Variants in CENPW observed in about 807,000 individuals in gnomAD.
CENPW encodes the protein cancer-up-regulated gene 2 protein.
Under a neutral mutation model 11.1 loss-of-function variants are expected in CENPW, and 3 were observed. The observed-to-expected ratio is 0.27, with a 90% CI of 0.12 to 0.70. CENPW has a LOEUF of 0.70. Ranked by LOEUF, CENPW falls within the 30% of genes least tolerant of loss-of-function variation. The pLI, the probability that CENPW is intolerant of heterozygous loss-of-function variation, is 0.77. For synonymous variants in CENPW, 38 were observed against 42.0 expected (o/e 0.91, Z 0.37); for missense variants, 100 against 105.6 (o/e 0.95, Z 0.23).
At chr6:126,438,584 G>GA in the CENPW span, among the ~76,000 whole-genome samples, 2 of 151,486 alleles carry the variant, frequency 1.3e-5, no homozygotes, top group African/African-American at 4.8e-5. Context: ...AAGACAAGGA[G>GA]AAAATAAAAA....
At chr6:126,362,058 C>T in the CENPW span, among the ~76,000 whole-genome samples, 1 of 152,118 alleles carries the variant, frequency 6.6e-6, no homozygotes, top group South Asian at 2.1e-4. Context: ...TGTGCACACA[C>T]TTCTATGGAG....
the CENPW span, among the ~76,000 whole-genome samples, chr6:126,425,081 G>A: frequency 9.2e-5 from 14 of 152,204 alleles, no homozygotes; most frequent in Non-Finnish European, 1.9e-4. Context: ...TCTTGGGAAA[G>A]CAGTTTTATG....
the CENPW span, among the ~76,000 whole-genome samples, chr6:126,407,342 C>A: frequency 2.6e-5 from 4 of 152,230 alleles, no homozygotes; most frequent in South Asian, 8.3e-4. Flanking sequence ...TTTCGATGGG[C>A]ATTTGGATTG....
At chr6:126,346,455 TTTAA>T (rs1780413454) in intron 2 of CENPW, 137 bp downstream of exon 2, 1 of 487,268 alleles carries the variant, frequency 2.1e-6, no homozygotes, top group Non-Finnish European at 3.7e-6. Flanking sequence ...AATTAATGAT[TTTAA>T]TTAAGGAGTT....
chr6:126,399,588 T>A, the CENPW span, among the ~76,000 whole-genome samples: 1 of 152,122 alleles, frequency 6.6e-6, no homozygotes, highest in Non-Finnish European at 1.5e-5. Flanking sequence ...TTTTATTACC[T>A]TAAATATACA....
the CENPW span, among the ~76,000 whole-genome samples, chr6:126,402,434 C>T: frequency 2.0e-5 from 3 of 152,010 alleles, no homozygotes; most frequent in East Asian, 5.8e-4. Flanking sequence ...ACAATAATCA[C>T]TACTATCAAT....
chr6:126,352,989 ACT>A (rs1398945430), downstream of CENPW, among the ~76,000 whole-genome samples: 1 of 152,030 alleles, frequency 6.6e-6, no homozygotes, highest in Non-Finnish European at 1.5e-5. Flanking sequence ...ATAAACTTTT[ACT>A]AAAGATTATA....
the CENPW span, among the ~76,000 whole-genome samples, chr6:126,363,991 T>C: frequency 6.6e-6 from 1 of 152,214 alleles, no homozygotes; most frequent in Non-Finnish European, 1.5e-5. Context: ...TTTTCTTTTA[T>C]GATGCTTCTC....
At chr6:126,454,707 A>G in the CENPW span, among the ~76,000 whole-genome samples, 15 of 151,504 alleles carry the variant, frequency 9.9e-5, 1 homozygote, top group South Asian at 2.5e-3. Flanking sequence ...GTAGAAGAAA[A>G]GAAACAATCA....
At chr6:126,378,413 A>C in the CENPW span, among the ~76,000 whole-genome samples, 4 of 151,674 alleles carry the variant, frequency 2.6e-5, no homozygotes, top group Admixed American at 2.6e-4. Context: ...GTAGTTTTGC[A>C]CTCTGCTATA....
chr6:126,369,784 T>G, the CENPW span, among the ~76,000 whole-genome samples: 1 of 152,198 alleles, frequency 6.6e-6, no homozygotes, highest in Admixed American at 6.5e-5. Flanking sequence ...TTAGTTAAAG[T>G]CCTATCTATT....
chr6:126,435,380 C>CT, the CENPW span, among the ~76,000 whole-genome samples: 1 of 151,704 alleles, frequency 6.6e-6, no homozygotes, highest in Non-Finnish European at 1.5e-5. Flanking sequence ...ATTATGCTTA[C>CT]TTTTTTCTAT....
At chr6:126,432,722 C>T in the CENPW span, among the ~76,000 whole-genome samples, 2 of 152,162 alleles carry the variant, frequency 1.3e-5, no homozygotes, top group South Asian at 2.1e-4. Context: ...CTCAGATAAA[C>T]ATCTGTCTGG....
At chr6:126,471,870 A>G in the CENPW span, among the ~76,000 whole-genome samples, 1 of 152,152 alleles carries the variant, frequency 6.6e-6, no homozygotes, top group Admixed American at 6.6e-5. Flanking sequence ...GTTCAAGTTG[A>G]GCAATGTTTT....
the CENPW span, among the ~76,000 whole-genome samples, chr6:126,390,154 A>G: frequency 1.3e-5 from 2 of 151,842 alleles, no homozygotes; most frequent in Non-Finnish European, 2.9e-5. Context: ...ATGTATTTCA[A>G]ATCTGTTACT....
At chr6:126,442,348 T>C in the CENPW span, among the ~76,000 whole-genome samples, 1 of 151,458 alleles carries the variant, frequency 6.6e-6, no homozygotes, top group African/African-American at 2.4e-5. Context: ...AGATTCTGGA[T>C]GTTAGTCCTT....
chr6:126,363,511 G>A, the CENPW span, among the ~76,000 whole-genome samples: 1 of 152,234 alleles, frequency 6.6e-6, no homozygotes, highest in East Asian at 1.9e-4. Context: ...AGGCATTTGA[G>A]TTCGTAATCC....
At chr6:126,359,218 A>G in the CENPW span, among the ~76,000 whole-genome samples, 1 of 151,820 alleles carries the variant, frequency 6.6e-6, no homozygotes, top group Non-Finnish European at 1.5e-5. Flanking sequence ...TTGTTAAGGT[A>G]TTTGTGGAAT....
At chr6:126,427,103 T>C in the CENPW span, among the ~76,000 whole-genome samples, 1 of 152,136 alleles carries the variant, frequency 6.6e-6, no homozygotes, top group South Asian at 2.1e-4. Context: ...AGGGCTTTAG[T>C]GAGGGTTCCT....
Sources: gnomAD v4.1 joint callset for allele counts (sites outside exome capture counted in the v4.1 genomes callset) on GRCh38, gnomAD v4.1.1 for gene constraint, MANE v1.5 for transcripts, NCBI Gene and HGNC (gene_info 2026-07-23, HGNC 2026-07-21) for gene names.